Variants in GRM6 observed in about 807,000 individuals in gnomAD.
GRM6 encodes the protein glutamate metabotropic receptor 6, also known as metabotropic glutamate receptor 6.
GRM6 carries 73 observed loss-of-function variants against 78.4 expected under a neutral mutation model. The observed-to-expected ratio is 0.93, with a 90% confidence interval of 0.77 to 1.13. The LOEUF is 1.13. Ranked by LOEUF, GRM6 falls within the 50% of genes most tolerant of loss-of-function variation. The probability of loss-of-function intolerance (pLI) is 0.00; values close to 1 mark genes in which losing one functional copy is unlikely to be tolerated. For missense variants in GRM6, 1,251 were observed against 1,256.4 expected, an observed-to-expected ratio of 1.00 and a Z score of 0.07; for synonymous variants, 580 against 555.0, an observed-to-expected ratio of 1.05 and a Z score of -0.63.
Position 178,979,606 on chromosome 5 carries a change from G to A in GRM6, c.*2051C>T, listed in dbSNP as rs1760348870. The A allele has an allele frequency of 6.6e-6, 1 of 152,192 alleles. No individual in the cohort carries two copies. The highest frequency in any genetic ancestry group is 1.5e-5 in the Non-Finnish European group (1 of 68,036). The allele number at this position is 152,192 out of a possible 1,614,324, so 9.4% of individuals were successfully genotyped here. On this transcript the variant is annotated 3_prime_UTR_variant, in exon 11 of 11. Transcript: ENST00000517717. The stretch of plus-strand genomic sequence containing the variant: ...CTCTATGCCAGAAACTTCACACTGG[G>A]GAGAAATCCTCAGTGCAATCAGTGT...
In GRM6 at chr5:178,994,866, C is replaced by G. The variant is rs1357071760; in HGVS notation, c.79G>C (p.Ala27Pro). 3.3e-6 allele frequency: 4 copies of G among 1,205,572 alleles called. No individual in the cohort carries two copies. In the East Asian group the frequency reaches 1.2e-4, roughly 36 times the overall value. 74.7% of individuals were successfully genotyped at this position (1,205,572 alleles called of 1,614,324 possible). A position where few individuals can be genotyped will look rare whatever the true frequency, so the allele number is the denominator to read the frequency against. The change falls in exon 2 of 11, where the codon GCG becomes CCG. Residue 27 changes from alanine to proline, a missense_variant. Physicochemically the swap from Ala to Pro is conservative, Grantham distance 27. Transcript: ENST00000517717. ...PLAWLAQAGL[A>P]RAAGSVRLAG... ...AGGCGCACAGAGCCCGCCGCGCGCG[C>G]CAGGCCCGCCTGCGCCAGCCACGCC...
rs778328973 is a variant in GRM6 at position 178,991,641 on chromosome 5, G to C, written c.722-82C>G. On this transcript the variant is annotated intron_variant, in intron 3 of 10. Transcript: ENST00000517717. This position sits in a 1 kb window ranked among gnomAD's most constrained non-coding sequence, Gnocchi z 5.0. ...GGCCACCGCTGCAGAGGACTGTGTA[G>C]GCTGGCTGAAGGGTCTGCAGGGGTG... 2 of 1,430,026 alleles carry C rather than the reference G, an allele frequency of 1.4e-6. No homozygotes were observed. The highest frequency in any genetic ancestry group is 1.4e-5 in the African/African-American group (1 of 69,636). The allele number at this position is 1,430,026 out of a possible 1,614,324, so 88.6% of individuals were successfully genotyped here.
Position 178,983,195 on chromosome 5 carries a change from C to A in GRM6, c.2151G>T (p.Gly717=). ...LQVVGMIAWL[G]ARPPHSVIDY... is the part of the protein sequence containing the mutation. ...CAATCACGCTGTGTGGGGGCCGGGC[C>A]CCCAGCCATGCTATCATCCCCACCA... The change falls in exon 10 of 11, where the codon GGG becomes GGT. Residue 717 remains glycine, a synonymous_variant. Coordinates refer to ENST00000517717, the MANE Select transcript of GRM6 (RefSeq NM_000843.4). The A allele has an allele frequency of 1.2e-6, 2 of 1,612,964 alleles. No individual in the cohort carries two copies. The highest frequency in any genetic ancestry group is 1.1e-5 in the South Asian group (1 of 91,070).
At chr5:178,990,867 A>C in intron 4 of GRM6, 121 bp from the exon 5 acceptor site, 32 of 894,756 alleles carry the variant, frequency 3.6e-5, no homozygotes, top group African/African-American at 5.0e-5. Context: ...CTTGTTTCTC[A>C]GGAAAAACGG....
In GRM6 at chr5:178,989,916, A is replaced by G. The variant is rs1325402913; in HGVS notation, c.1013-511T>C. ...CACTGCCCCATGCCTAAAGTCACCA[A>G]CTCTCAGACCTCCTGTCTTGTGATG... is the stretch of plus-strand genomic sequence containing the variant. On this transcript the variant is annotated intron_variant, in intron 5 of 10. Coordinates refer to ENST00000517717, the MANE Select transcript of GRM6 (RefSeq NM_000843.4). The G allele has an allele frequency of 9.6e-5, 21 of 219,176 alleles. 1 individual carries two copies. In the Admixed American group the frequency reaches 1.1e-3, roughly 11 times the overall value. 13.6% of individuals were successfully genotyped at this position (219,176 alleles called of 1,614,324 possible).
rs563263247 is a variant in GRM6, at chr5:178,988,900, C to T, written c.1354+35G>A. On this transcript the variant is annotated intron_variant, in intron 7 of 10. Coordinates refer to ENST00000517717, the MANE Select transcript of GRM6 (RefSeq NM_000843.4). This position sits in a 1 kb window ranked among gnomAD's most constrained non-coding sequence, Gnocchi z 6.0. Reference sequence around the variant, plus strand: ...CAGCAAAATCCAGCCCCCCAGCTGTCCTTCACTGCTGCAGGGGGGCAGGCA... The same window carrying T: ...CAGCAAAATCCAGCCCCCCAGCTGTTCTTCACTGCTGCAGGGGGGCAGGCA... 4 of 1,556,192 alleles carry T rather than the reference C, an allele frequency of 2.6e-6. No homozygotes were observed. Among genetic ancestry groups the T allele is most frequent in the Middle Eastern group, 2.2e-4 (1 of 4,516 alleles).
chr5:178,989,629 G>A, intron 5 of GRM6: 1 of 613,802 alleles, frequency 1.6e-6, no homozygotes, highest in East Asian at 2.8e-5. Context: ...AGGTGACCAA[G>A]TTCTGATTGG....
Position 178,981,270 on chromosome 5 carries a change from C to T in GRM6, c.*387G>A. ...TCTGGGGTCTACACGTTCTTCCACA[C>T]TGCCCAATCCCCAGGTTATGGGGGT... On this transcript the variant is annotated 3_prime_UTR_variant, in exon 11 of 11. Coordinates refer to ENST00000517717, the MANE Select transcript of GRM6 (RefSeq NM_000843.4). The surrounding 1 kb of genome is among the most constrained non-coding windows in gnomAD (Gnocchi z 5.1). 4.1e-6 allele frequency: 1 copy of T among 242,072 alleles called. No individual in the cohort carries two copies. The highest frequency in any genetic ancestry group is 8.1e-6 in the Non-Finnish European group (1 of 122,974). The allele number at this position is 242,072 out of a possible 1,614,324, so 15.0% of individuals were successfully genotyped here.
chr5:178,989,232 C>T (rs1224546238), intron 6 of GRM6, 33 bp downstream of exon 6: 4 of 1,374,016 alleles, frequency 2.9e-6, no homozygotes, highest in Non-Finnish European at 4.1e-6. Context: ...CCTCCCCACC[C>T]TCCCCACCCT....
chr5:178,982,947 ACGAATG>A lies in GRM6; in HGVS notation c.2393_2398del (p.Ala798_Phe799del). ...CTGGGCAGTGCCAAAGAAGATGGGC[ACGAATG>A]CCAGCCAGATGATGCAGGTGGTGTA... On this transcript the variant is annotated inframe_deletion, in exon 10 of 11. Transcript: ENST00000517717. 1.9e-6 allele frequency: 3 copies of A among 1,614,192 alleles called. No individual in the cohort carries two copies. Among genetic ancestry groups the A allele is most frequent in the Non-Finnish European group, 2.5e-6 (3 of 1,180,018 alleles).
Position 178,985,499 on chromosome 5 carries a change from C to G in GRM6, c.2124+631G>C, listed in dbSNP as rs187486931. 3,297 of 342,868 alleles carry G rather than the reference C, an allele frequency of 9.6e-3. 30 individuals are homozygous for G. The highest frequency in any genetic ancestry group is 0.012 in the Non-Finnish European group (2,149 of 175,288). 21.2% of individuals were successfully genotyped at this position (342,868 alleles called of 1,614,324 possible). ...TGGGCGGATCACGAGGTCAGGAGAT[C>G]GAGACCATCCTGGCTAACACGGTGA... On this transcript the variant is annotated intron_variant, in intron 9 of 10. Transcript: ENST00000517717.
At chr5:178,982,704 AG>A (rs1213380556) in intron 10 of GRM6, 21 of 532,234 alleles carry the variant, frequency 3.9e-5, no homozygotes, top group South Asian at 2.7e-4. Context: ...AAAAAAAAAA[AG>A]AAAAAAAGAA....
In GRM6 at chr5:178,986,532, T is replaced by C; in HGVS notation, c.1722A>G (p.Thr574=). 1 of 1,607,956 alleles carries C rather than the reference T, an allele frequency of 6.2e-7. No homozygotes were observed. ...PTPNHTGCRP[T]PVVRLSWSSP... ...AGGACCAGCTCAGGCGCACCACAGG[T>C]GTGGGGCGGCAGCCCGTGTGGTTGG... Residue 574 remains threonine, a synonymous_variant, in exon 9 of 11, where the codon ACA becomes ACG. Transcript: ENST00000517717.
At chr5:178,982,745 CT>C (rs1760423471) in intron 10 of GRM6, 164 bp downstream of exon 10, 3 of 622,358 alleles carry the variant, frequency 4.8e-6, no homozygotes, top group African/African-American at 1.9e-5. Flanking sequence ...GGGTTAGAAG[CT>C]TGGAAAAGTG....
rs1203370603 is a variant in GRM6, at chr5:178,983,172, A to G, written c.2174T>C (p.Ile725Thr). 4 of 1,613,784 alleles carry G rather than the reference A, an allele frequency of 2.5e-6. No homozygotes were observed. Among genetic ancestry groups the G allele is most frequent in the Admixed American group, 1.7e-5 (1 of 60,022 alleles). The change falls in exon 10 of 11, where the codon ATT (isoleucine) becomes ACT (threonine). Residue 725 changes from isoleucine (I) to threonine (T), a missense_variant. By Grantham distance (89) the Ile-to-Thr change is moderately conservative. Transcript: ENST00000517717. ...WLGARPPHSV[I>T]DYEEQRTVDP... Reference sequence around the variant, plus strand: ...CACCGTCCGCTGTTCCTCATAGTCAATCACGCTGTGTGGGGGCCGGGCCCC... The same window carrying G: ...CACCGTCCGCTGTTCCTCATAGTCAGTCACGCTGTGTGGGGGCCGGGCCCC...
At chr5:178,983,640 G>T in intron 9 of GRM6, 1 of 356,762 alleles carries the variant, frequency 2.8e-6, no homozygotes, top group Admixed American at 3.7e-5. Flanking sequence ...GCCTCCTCAC[G>T]TGTACTGAGC....
At chr5:178,983,291 C>T (rs1034549003) in intron 9 of GRM6, 70 bp from the exon 10 acceptor site, 4 of 1,360,160 alleles carry the variant, frequency 2.9e-6, no homozygotes, top group African/African-American at 1.4e-5. Context: ...CTGACAGAGG[C>T]CCCTGCGGGT....
Position 178,980,087 on chromosome 5 carries a change from A to C in GRM6, c.*1570T>G, listed in dbSNP as rs1760361916. On this transcript the variant is annotated 3_prime_UTR_variant, in exon 11 of 11. Coordinates refer to ENST00000517717, the MANE Select transcript of GRM6 (RefSeq NM_000843.4). This position sits in a 1 kb window ranked among gnomAD's most constrained non-coding sequence, Gnocchi z 4.3. ...TTCTCAGAGGAGAAGCTTTTAAGTTAATTACTTAAAACCTGCAGAAGCACC... is the reference window on the plus strand; with the variant it reads ...TTCTCAGAGGAGAAGCTTTTAAGTTCATTACTTAAAACCTGCAGAAGCACC... The C allele has an allele frequency of 6.5e-6, 1 of 154,390 alleles. No individual in the cohort carries two copies. The highest frequency in any genetic ancestry group is 2.0e-4 in the South Asian group (1 of 4,924). The allele number at this position is 154,390 out of a possible 1,614,324, so 9.6% of individuals were successfully genotyped here.
rs1479591761 is a variant in GRM6, at chr5:178,986,126, C to T, written c.2124+4G>A. ...CCCTGGCCCTTGGGAGCCTACGGAC[C>T]CACCTGCAGGGAGGTGAGGCTGAAG... On this transcript the variant is annotated splice_donor_region_variant and intron_variant, in intron 9 of 10. Coordinates refer to ENST00000517717, the MANE Select transcript of GRM6 (RefSeq NM_000843.4). 3 of 1,612,312 alleles carry T rather than the reference C, an allele frequency of 1.9e-6. No individual in the cohort carries two copies. Among genetic ancestry groups the T allele is most frequent in the East Asian group, 2.2e-5 (1 of 44,852 alleles).
Sources: gnomAD v4.1 joint callset for allele counts on GRCh38, gnomAD v4.1.1 for gene constraint, Gnocchi (gnomAD v3.1) non-coding constraint, MANE v1.5 for transcripts, NCBI Gene and HGNC (gene_info 2026-07-23, HGNC 2026-07-21) for gene names.